The following PIMREG variants were observed in gnomAD, a reference collection of about 807,000 sequenced individuals.
PIMREG encodes the protein PICALM interacting mitotic regulator, also known as protein PIMREG.
In PIMREG, 19 loss-of-function variants were observed where a neutral mutation model predicts 24.3. That is an observed-to-expected ratio of 0.78 (90% CI 0.54 to 1.15). The LOEUF (loss-of-function observed/expected upper bound fraction) is 1.15. Among genes scored for constraint, PIMREG ranks in the 50% most tolerant of loss-of-function variants. The pLI is 0.00. For synonymous variants in PIMREG, 112 were observed against 124.1 expected (o/e 0.90, Z 0.65); for missense variants, 283 against 306.8 (o/e 0.92, Z 0.58).
In PIMREG at chr17:6,444,788, G is replaced by A. The variant is rs373572846; in HGVS notation, c.-35-288G>A. The stretch of plus-strand genomic sequence containing the variant: ...GGGCCCAGCGCTGAAGCTCGGCTAC[G>A]GCGTGTCTTGACCCTGCCTCCCCTC... On this transcript the variant is annotated intron_variant, in intron 1 of 5. Transcript: ENST00000572447. The surrounding 1 kb of genome is among the most constrained non-coding windows in gnomAD (Gnocchi z 4.3). Among the ~76,000 whole-genome samples the A allele has an allele frequency of 3.3e-5, 5 of 151,958 alleles. No individual in the cohort carries two copies. The highest frequency in any genetic ancestry group is 6.5e-5 in the Admixed American group (1 of 15,268).
chr17:6,450,215 C>A (rs1913769452), intron 5 of PIMREG, 143 bp downstream of exon 5: 3 of 1,118,144 alleles, frequency 2.7e-6, no homozygotes, highest in Admixed American at 4.0e-5. Flanking sequence ...GAGCTGCTAA[C>A]CTCACTGACC....
chr17:6,450,714 T>C lies in PIMREG; in HGVS notation c.*367T>C, dbSNP rs1913797295. 5.7e-6 allele frequency: 2 copies of C among 353,494 alleles called. No individual in the cohort carries two copies. The highest frequency in any genetic ancestry group is 4.3e-5 in the Admixed American group (1 of 23,180). 21.9% of individuals were successfully genotyped at this position (353,494 alleles called of 1,614,324 possible). On this transcript the variant is annotated 3_prime_UTR_variant, in exon 6 of 6. Coordinates refer to ENST00000572447, the MANE Select transcript of PIMREG (RefSeq NM_019013.3). ...TCAGATATTTGAGAGCTCTTAGCTCTGTACCCGGGTGCCTGGTTTTTGGGG... is the reference window on the plus strand; with the variant it reads ...TCAGATATTTGAGAGCTCTTAGCTCCGTACCCGGGTGCCTGGTTTTTGGGG...
chr17:6,445,023 G>A (rs1913516614), intron 1 of PIMREG, 53 bp from the exon 2 acceptor site: 1 of 1,378,154 alleles, frequency 7.3e-7, no homozygotes, highest in East Asian at 2.5e-5. Flanking sequence ...TGTGGGGCCT[G>A]GGAATGGGTA....
Position 6,449,389 on chromosome 17 carries a change from C to A in PIMREG, c.668C>A (p.Ala223Asp), listed in dbSNP as rs757411566. 1.9e-6 allele frequency: 3 copies of A among 1,613,420 alleles called. No homozygotes were observed. Among genetic ancestry groups the A allele is most frequent in the South Asian group, 1.1e-5 (1 of 91,008 alleles). Residue 223 changes from alanine (A) to aspartate (D), a missense_variant, in exon 4 of 6, where the codon GCC becomes GAC. Physicochemically the swap from Ala to Asp is moderately radical, Grantham distance 126 (BLOSUM62 -2). Transcript: ENST00000572447. ...LQKLSQELDE[A>D]IMAEESGDIV... Reference sequence around the variant, plus strand: ...AAGCTGTCCCAAGAGCTAGATGAAGCCATTATGGCGGAAGAGAGGTGAGTT... The same window carrying A: ...AAGCTGTCCCAAGAGCTAGATGAAGACATTATGGCGGAAGAGAGGTGAGTT...
rs62061024 is a variant in PIMREG, at chr17:6,450,842, T to C, written c.*495T>C. On this transcript the variant is annotated 3_prime_UTR_variant, in exon 6 of 6. Transcript: ENST00000572447. Reference sequence around the variant, plus strand: ...CCTACCAGGGACTCGGAGGAAGGCATAGGAGATATTTCCAGGCTTACGACC... The same window carrying C: ...CCTACCAGGGACTCGGAGGAAGGCACAGGAGATATTTCCAGGCTTACGACC... The C allele has an allele frequency of 0.025, 4,561 of 184,640 alleles. 106 individuals carry two copies. The highest frequency in any genetic ancestry group is 0.071 in the African/African-American group (3,031 of 42,660). 11.4% of individuals were successfully genotyped at this position (184,640 alleles called of 1,614,324 possible).
Position 6,444,959 on chromosome 17 carries a change from G to T in PIMREG, c.-35-117G>T, listed in dbSNP as rs956349040. On this transcript the variant is annotated intron_variant, in intron 1 of 5. Transcript: ENST00000572447. The surrounding 1 kb of genome is among the most constrained non-coding windows in gnomAD (Gnocchi z 4.3). ...TTCCTGCACCCACACTTACCAACTC[G>T]CCCGCCCCCGCCACCCCGCTGCATC... 4.0e-6 allele frequency: 3 copies of T among 743,130 alleles called. No individual in the cohort carries two copies. Among genetic ancestry groups the T allele is most frequent in the African/African-American group, 3.6e-5 (2 of 55,820 alleles). 46.0% of individuals were successfully genotyped at this position (743,130 alleles called of 1,614,324 possible).
intron 2 of PIMREG, 43 bp from the exon 3 acceptor site, chr17:6,447,420 T>C: frequency 6.3e-7 from 1 of 1,589,800 alleles, no homozygotes; most frequent in African/African-American, 1.3e-5. Context: ...CCGGCCTAAC[T>C]TTTGGTTTTG....
chr17:6,445,290 C>A lies in PIMREG; in HGVS notation c.180C>A (p.Asn60Lys). The change falls in exon 2 of 6, where the codon AAC becomes AAA. Residue 60 changes from asparagine to lysine, a missense_variant. Transcript: ENST00000572447. Reference sequence around the variant, plus strand: ...GGAGGCTGCCCCTGAGAGCCGTCAACCTCAACCTCCGCGCAGGGCCCTCCT... The same window carrying A: ...GGAGGCTGCCCCTGAGAGCCGTCAAACTCAACCTCCGCGCAGGGCCCTCCT... Reference protein sequence around the residue: ...FQRRLPLRAVNLNLRAGPSWK... With the variant: ...FQRRLPLRAVKLNLRAGPSWK... 6.2e-7 allele frequency: 1 copy of A among 1,614,098 alleles called. No individual in the cohort carries two copies. Among genetic ancestry groups the A allele is most frequent in the Non-Finnish European group, 8.5e-7 (1 of 1,180,012 alleles).
rs544309391 is a variant in PIMREG at position 6,445,719 on chromosome 17, G to T, written c.294+315G>T. Among the ~76,000 whole-genome samples the T allele has an allele frequency of 1.1e-3, 161 of 152,302 alleles. 2 individuals are homozygous for T. The highest frequency in any genetic ancestry group is 3.6e-3 in the African/African-American group (148 of 41,548). Reference sequence around the variant, plus strand: ...ACCAAATGCAAGCTTAGTCGGTGAAGGCTTCCCAGAGGAGGTGATTCCAGA... The same window carrying T: ...ACCAAATGCAAGCTTAGTCGGTGAATGCTTCCCAGAGGAGGTGATTCCAGA... On this transcript the variant is annotated intron_variant, in intron 2 of 5. Coordinates refer to ENST00000572447, the MANE Select transcript of PIMREG (RefSeq NM_019013.3).
Position 6,444,972 on chromosome 17 carries a change from A to C in PIMREG, c.-35-104A>C. 1 of 922,326 alleles carries C rather than the reference A, an allele frequency of 1.1e-6. No homozygotes were observed. The highest frequency in any genetic ancestry group is 1.5e-6 in the Non-Finnish European group (1 of 655,972). 57.1% of individuals were successfully genotyped at this position (922,326 alleles called of 1,614,324 possible). ...ACTTACCAACTCGCCCGCCCCCGCC[A>C]CCCCGCTGCATCCCGTCTCTTCCCC... On this transcript the variant is annotated intron_variant, in intron 1 of 5. Coordinates refer to ENST00000572447, the MANE Select transcript of PIMREG (RefSeq NM_019013.3). The surrounding 1 kb of genome is among the most constrained non-coding windows in gnomAD (Gnocchi z 4.3).
intron 4 of PIMREG, chr17:6,449,610 T>C (rs1913732289): frequency 8.7e-7 from 1 of 1,147,522 alleles, no homozygotes; most frequent in Non-Finnish European, 1.2e-6. Flanking sequence ...GTAGCCTGAA[T>C]GTGTGTGGTC....
intron 2 of PIMREG, among the ~76,000 whole-genome samples, chr17:6,445,877 G>T (rs1333048483): frequency 6.6e-6 from 1 of 152,232 alleles, no homozygotes; most frequent in Non-Finnish European, 1.5e-5. Context: ...CAGAATTGTA[G>T]TCTGGGTATG....
intron 4 of PIMREG, 184 bp downstream of exon 4, chr17:6,449,591 G>A: frequency 9.2e-7 from 1 of 1,084,626 alleles, no homozygotes; most frequent in Non-Finnish European, 1.3e-6. Context: ...TGGGGTGATG[G>A]TAAAGGATGT....
At chr17:6,450,202 C>A in intron 5 of PIMREG, 130 bp downstream of exon 5, 1 of 1,185,660 alleles carries the variant, frequency 8.4e-7, no homozygotes, top group South Asian at 1.3e-5. Context: ...CCGCTTGAAG[C>A]CAGAGCTGCT....
intron 2 of PIMREG, among the ~76,000 whole-genome samples, chr17:6,447,098 GTTT>G (rs869187723): frequency 1.9e-4 from 18 of 92,918 alleles, no homozygotes; most frequent in Admixed American, 7.7e-4. Flanking sequence ...CTCACCCTTG[GTTT>G]TTTTTTTTGT....
chr17:6,447,008 C>T lies in PIMREG; in HGVS notation c.295-455C>T, dbSNP rs1229224321. Among the ~76,000 whole-genome samples, 3 of 152,294 alleles carry T rather than the reference C, an allele frequency of 2.0e-5. No homozygotes were observed. The East Asian group carries it at 5.8e-4, about 29-fold the overall frequency. ...TGAGGAGTCATTCACATCCTTCACCCTGGAGACTAACAATAGCCTGTATTT... is the reference window on the plus strand; with the variant it reads ...TGAGGAGTCATTCACATCCTTCACCTTGGAGACTAACAATAGCCTGTATTT... On this transcript the variant is annotated intron_variant, in intron 2 of 5. Coordinates refer to ENST00000572447, the MANE Select transcript of PIMREG (RefSeq NM_019013.3).
intron 5 of PIMREG, 96 bp from the exon 6 acceptor site, chr17:6,450,266 C>A: frequency 7.9e-7 from 1 of 1,266,400 alleles, no homozygotes; most frequent in Non-Finnish European, 1.1e-6. Context: ...GTAGCTACAG[C>A]CACCTTCCAG....
In PIMREG at chr17:6,449,424, T is replaced by C. The variant is rs1219716766; in HGVS notation, c.686+17T>C. 2.5e-6 allele frequency: 4 copies of C among 1,607,766 alleles called. No individual in the cohort carries two copies. Among genetic ancestry groups the C allele is most frequent in the Non-Finnish European group, 3.4e-6 (4 of 1,176,592 alleles). ...GGAAGAGAGGTGAGTTGGCATCCCA[T>C]GCTTCAAAGTGAAGGGGCCGGGAGG... On this transcript the variant is annotated intron_variant, in intron 4 of 5. Transcript: ENST00000572447.
rs201352756 is a variant in PIMREG, at chr17:6,450,411, G to A, written c.*64G>A. On this transcript the variant is annotated 3_prime_UTR_variant, in exon 6 of 6. Coordinates refer to ENST00000572447, the MANE Select transcript of PIMREG (RefSeq NM_019013.3). ...AGGCTTCATACTCAAGGATGTCTATGCTTCCCCGTGAGCTTCCTGGAAAAA... is the reference window on the plus strand; with the variant it reads ...AGGCTTCATACTCAAGGATGTCTATACTTCCCCGTGAGCTTCCTGGAAAAA... 2.0e-5 allele frequency: 31 copies of A among 1,570,354 alleles called. No homozygotes were observed. Among genetic ancestry groups the A allele is most frequent in the South Asian group, 1.2e-5 (1 of 86,634 alleles).
Sources: gnomAD v4.1 joint callset for allele counts (sites outside exome capture counted in the v4.1 genomes callset) on GRCh38, gnomAD v4.1.1 for gene constraint, Gnocchi (gnomAD v3.1) non-coding constraint, MANE v1.5 for transcripts, NCBI Gene and HGNC (gene_info 2026-07-23, HGNC 2026-07-21) for gene names.